TRIM40: variants seen among roughly 807,000 people sequenced by gnomAD.
TRIM40 encodes tripartite motif containing 40, also known as E3 ubiquitin ligase TRIM40.
A neutral mutation model predicts 26.1 loss-of-function variants in TRIM40; 27 were observed. That is an observed-to-expected ratio of 1.04 (90% CI 0.76 to 1.43). The LOEUF is 1.43. Among genes scored for constraint, TRIM40 ranks in the 40% most tolerant of loss-of-function variants. The pLI, the probability that TRIM40 is intolerant of heterozygous loss-of-function variation, is 0.00. For synonymous variants in TRIM40, 114 were observed against 120.0 expected (o/e 0.95, Z 0.33); for missense variants, 289 against 307.9 (o/e 0.94, Z 0.46).
At position 30,147,818 on chromosome 6, in the gene TRIM40, T is replaced by G. The variant is rs1205918967; in HGVS notation, c.*6T>G. 1.9e-6 allele frequency: 3 copies of G among 1,613,764 alleles called. No homozygotes were observed. The highest frequency in any genetic ancestry group is 2.2e-5 in the South Asian group (2 of 91,076). The stretch of plus-strand genomic sequence containing the variant: ...AGCCCCCTCAGAAGCTCTGACCTGT[T>G]CATCCCTGGGACACCTCACTTCAGG... On this transcript the variant is annotated 3_prime_UTR_variant, in exon 6 of 6. Coordinates refer to ENST00000396581, the MANE Select transcript of TRIM40 (RefSeq NM_001286633.2).
intron 2 of TRIM40, among the ~76,000 whole-genome samples, chr6:30,140,036 G>C (rs1380283118): frequency 6.6e-6 from 1 of 152,228 alleles, no homozygotes; most frequent in East Asian, 1.9e-4. Flanking sequence ...ATCTCTGCCA[G>C]TTAGAATGGC....
chr6:30,147,978 G>T lies in TRIM40; in HGVS notation c.*166G>T. ...TGTCCACAGTCATCACCTGATGCCT[G>T]ACCCTCTGACTCTTGGACGATAGCC... On this transcript the variant is annotated 3_prime_UTR_variant, in exon 6 of 6. Coordinates refer to ENST00000396581, the MANE Select transcript of TRIM40 (RefSeq NM_001286633.2). 1 of 625,210 alleles carries T rather than the reference G, an allele frequency of 1.6e-6. No homozygotes were observed. Among genetic ancestry groups the T allele is most frequent in the South Asian group, 1.9e-5 (1 of 52,244 alleles). The allele number at this position is 625,210 out of a possible 1,614,324, so 38.7% of individuals were successfully genotyped here. A position where few individuals can be genotyped will look rare whatever the true frequency, so the allele number is the denominator to read the frequency against.
intron 2 of TRIM40, among the ~76,000 whole-genome samples, chr6:30,144,814 C>A (rs1771551452): frequency 6.6e-6 from 1 of 152,212 alleles, no homozygotes; most frequent in Non-Finnish European, 1.5e-5. Flanking sequence ...GCGGTGAAGG[C>A]TGTTTGTGCT....
intron 2 of TRIM40, among the ~76,000 whole-genome samples, chr6:30,142,262 C>T (rs1771391636): frequency 6.6e-6 from 1 of 152,088 alleles, no homozygotes; most frequent in African/African-American, 2.4e-5. Flanking sequence ...TATTTGTATA[C>T]CTGTTTCCTC....
At chr6:30,140,558 C>T (rs190814334) in intron 2 of TRIM40, among the ~76,000 whole-genome samples, 6 of 151,668 alleles carry the variant, frequency 4.0e-5, no homozygotes, top group African/African-American at 1.5e-4. Flanking sequence ...TATCACACAC[C>T]AGGGCCTGTG....
At position 30,137,227 on chromosome 6, in the gene TRIM40, T is replaced by G. The variant is rs1311174461; in HGVS notation, c.191T>G (p.Val64Gly). ...PLCRKPCSEE[V>G]LGTGYICPNH... ...TGCCGGAAGCCCTGTTCTGAGGAGG[T>G]GCTAGGGACAGGCTATATCTGCCCC... The change falls in exon 2 of 6, where the codon GTG becomes GGG. Residue 64 changes from valine to glycine, a missense_variant. Physicochemically the swap from Val to Gly is moderately radical, Grantham distance 109. Transcript: ENST00000396581. 1 of 1,612,864 alleles carries G rather than the reference T, an allele frequency of 6.2e-7. No homozygotes were observed. Among genetic ancestry groups the G allele is most frequent in the Non-Finnish European group, 8.5e-7 (1 of 1,180,016 alleles).
chr6:30,137,433 G>T lies in TRIM40; in HGVS notation c.345+52G>T, dbSNP rs765145576. The T allele has an allele frequency of 2.7e-6, 4 of 1,495,832 alleles. 1 individual carries two copies. The East Asian group carries it at 9.0e-5, about 34-fold the overall frequency. The allele number at this position is 1,495,832 out of a possible 1,614,324, so 92.7% of individuals were successfully genotyped here. On this transcript the variant is annotated intron_variant, in intron 2 of 5. Transcript: ENST00000396581. ...CCTGCCTCCACCTCGCTGAGGTGCT[G>T]CATCCTACATGTTCATCATGCCTGG...
rs145448561 is a variant in TRIM40, at chr6:30,139,500, G to A, written c.345+2119G>A. Among the ~76,000 whole-genome samples, 1,316 of 151,948 alleles carry A rather than the reference G, an allele frequency of 8.7e-3. 8 individuals carry two copies. Among genetic ancestry groups the A allele is most frequent in the Middle Eastern group, 0.027 (8 of 294 alleles). On this transcript the variant is annotated intron_variant, in intron 2 of 5. Transcript: ENST00000396581. ...TGGGATTACAGGCACCCACCACCAG[G>A]CCTAGCTAATTTTTGTATTTTTAGT...
At chr6:30,144,131 G>A (rs554612310) in intron 2 of TRIM40, among the ~76,000 whole-genome samples, 3 of 152,074 alleles carry the variant, frequency 2.0e-5, no homozygotes, top group Admixed American at 6.6e-5. Context: ...AGAGAATCCC[G>A]GACAATGTCA....
chr6:30,137,019 C>T lies in TRIM40; in HGVS notation c.-18C>T, dbSNP rs751952658. 1.2e-6 allele frequency: 2 copies of T among 1,603,150 alleles called. No homozygotes were observed. The highest frequency in any genetic ancestry group is 2.2e-5 in the South Asian group (2 of 90,162). On this transcript the variant is annotated 5_prime_UTR_variant, in exon 2 of 6. Transcript: ENST00000396581. ...GGAGGCCCTGCAAACAGGAGGCTGACAGGGTAGGAACGAGGCCATGATCCC... is the reference window on the plus strand; with the variant it reads ...GGAGGCCCTGCAAACAGGAGGCTGATAGGGTAGGAACGAGGCCATGATCCC...
At chr6:30,146,922 A>G (rs1771696831) in intron 3 of TRIM40, 63 bp from the exon 4 acceptor site, 1 of 1,483,006 alleles carries the variant, frequency 6.7e-7, no homozygotes. Context: ...AGACATTCAG[A>G]GACTGTGAAG....
rs142954068 is a variant in TRIM40, at chr6:30,142,957, T to C, written c.346-3037T>C. ...TTTAAATCTAGCAGCATTTTTGCCA[T>C]TTAATAATTTTATTACCTGATATTT... On this transcript the variant is annotated intron_variant, in intron 2 of 5. Coordinates refer to ENST00000396581, the MANE Select transcript of TRIM40 (RefSeq NM_001286633.2). Among the ~76,000 whole-genome samples, 464 of 152,294 alleles carry C rather than the reference T, an allele frequency of 3.0e-3. 2 individuals are homozygous for C. The highest frequency in any genetic ancestry group is 0.01 in the African/African-American group (423 of 41,582).
chr6:30,143,443 T>TA (rs1326540468), intron 2 of TRIM40, among the ~76,000 whole-genome samples: 1 of 151,550 alleles, frequency 6.6e-6, no homozygotes, highest in African/African-American at 2.4e-5. Context: ...TTTTTTTTTT[T>TA]TTTTTCAGTG....
At position 30,148,394 on chromosome 6, in the gene TRIM40, G is replaced by A. The variant is rs1179560353; in HGVS notation, c.*582G>A. The A allele has an allele frequency of 6.2e-6, 1 of 161,564 alleles. No individual in the cohort carries two copies. The highest frequency in any genetic ancestry group is 1.4e-5 in the Non-Finnish European group (1 of 73,012). 10.0% of individuals were successfully genotyped at this position (161,564 alleles called of 1,614,324 possible). A position where few individuals can be genotyped will look rare whatever the true frequency, so the allele number is the denominator to read the frequency against. ...GACTTGCTTCTAATGAATGGAATAA[G>A]GCAAAGGTGATAGGGTGTCACTCTG... On this transcript the variant is annotated 3_prime_UTR_variant, in exon 6 of 6. Coordinates refer to ENST00000396581, the MANE Select transcript of TRIM40 (RefSeq NM_001286633.2).
Position 30,147,377 on chromosome 6 carries a change from G to A in TRIM40, c.667-143G>A, listed in dbSNP as rs1329587898. The stretch of plus-strand genomic sequence containing the variant: ...TACAGAGTGCTGCTGCAGCAGAATG[G>A]GCACAGAAGAGGGGTGTTGCTATGT... On this transcript the variant is annotated intron_variant, in intron 4 of 5. Coordinates refer to ENST00000396581, the MANE Select transcript of TRIM40 (RefSeq NM_001286633.2). The A allele has an allele frequency of 2.2e-6, 3 of 1,388,346 alleles. No homozygotes were observed. In the African/African-American group the frequency reaches 4.3e-5, roughly 20 times the overall value. 86.0% of individuals were successfully genotyped at this position (1,388,346 alleles called of 1,614,324 possible).
Position 30,137,276 on chromosome 6 carries a change from G to T in TRIM40, c.240G>T (p.Arg80Ser), listed in dbSNP as rs758609491. 1.2e-5 allele frequency: 19 copies of T among 1,612,956 alleles called. No individual in the cohort carries two copies. The highest frequency in any genetic ancestry group is 4.4e-5 in the South Asian group (4 of 91,082). ...CCAACCACCAGAAGAGGGTGTGCAGGTTCTGTGAGGAGAGCAGACTTCTTC... is the reference window on the plus strand; with the variant it reads ...CCAACCACCAGAAGAGGGTGTGCAGTTTCTGTGAGGAGAGCAGACTTCTTC... Reference protein sequence around the residue: ...ICPNHQKRVCRFCEESRLLLC... With the variant: ...ICPNHQKRVCSFCEESRLLLC... The change falls in exon 2 of 6, where the codon AGG (arginine) becomes AGT (serine). Residue 80 changes from arginine (R) to serine (S), a missense_variant. Transcript: ENST00000396581.
chr6:30,137,628 G>A (rs1257907177), intron 2 of TRIM40, among the ~76,000 whole-genome samples: 7 of 152,184 alleles, frequency 4.6e-5, no homozygotes, highest in Non-Finnish European at 1.0e-4. Context: ...GTCCCAGTCT[G>A]CTCATCTGTA....
At chr6:30,137,506 T>G in intron 2 of TRIM40, 125 bp downstream of exon 2, 1 of 843,750 alleles carries the variant, frequency 1.2e-6, no homozygotes, top group Non-Finnish European at 1.8e-6. Flanking sequence ...TTTCTTCTGC[T>G]TCATCCTGTT....
intron 2 of TRIM40, among the ~76,000 whole-genome samples, chr6:30,144,056 C>T (rs1771504632): frequency 6.6e-6 from 1 of 151,960 alleles, no homozygotes; most frequent in Non-Finnish European, 1.5e-5. Context: ...GGTGTGGCTG[C>T]ACGGGTGTGT....
Sources: gnomAD v4.1 joint callset for allele counts (sites outside exome capture counted in the v4.1 genomes callset) on GRCh38, gnomAD v4.1.1 for gene constraint, MANE v1.5 for transcripts, NCBI Gene and HGNC (gene_info 2026-07-23, HGNC 2026-07-21) for gene names.